ZNF444: variants seen among roughly 807,000 people sequenced by gnomAD.
The protein encoded by ZNF444 is endothelial zinc finger protein 2.
ZNF444 carries 8 observed loss-of-function variants against 14.4 expected under a neutral mutation model. The observed-to-expected ratio is 0.56, with a 90% CI of 0.33 to 1.00. ZNF444 has a LOEUF of 1.00. Ranked by LOEUF, ZNF444 falls within the 50% of genes least tolerant of loss-of-function variation. The pLI, the probability that ZNF444 is intolerant of heterozygous loss-of-function variation, is 0.03. For synonymous variants in ZNF444, 258 were observed against 235.9 expected (o/e 1.09, Z -0.86); for missense variants, 510 against 504.8 (o/e 1.01, Z -0.10).
intron 1 of ZNF444, among the ~76,000 whole-genome samples, chr19:56,134,861 A>C (rs1370603215): frequency 1.3e-5 from 2 of 152,044 alleles, no homozygotes; most frequent in Non-Finnish European, 2.9e-5. Context: ...TGGTAGCTGT[A>C]ATCCCAGCTA....
At chr19:56,153,476 G>T (rs189171162) in intron 3 of ZNF444, among the ~76,000 whole-genome samples, 1 of 152,216 alleles carries the variant, frequency 6.6e-6, no homozygotes, top group Admixed American at 6.6e-5. Context: ...GCTGTGGAGG[G>T]AATGGCTAAC....
chr19:56,139,999 C>G (rs147824352), upstream of ZNF444, among the ~76,000 whole-genome samples: 1,450 of 152,254 alleles, frequency 9.5e-3, 24 homozygotes, highest in African/African-American at 0.033. Context: ...TCATTAAACA[C>G]GAGGAGAAGA....
chr19:56,158,955 G>C (rs184249846), intron 4 of ZNF444, among the ~76,000 whole-genome samples: 1 of 151,306 alleles, frequency 6.6e-6, no homozygotes, highest in East Asian at 1.9e-4. Flanking sequence ...CCATCCCTCT[G>C]TCATCCATCA....
In ZNF444 at chr19:56,147,843, G is replaced by A. The variant is rs375758576; in HGVS notation, c.297+635G>A. On this transcript the variant is annotated intron_variant, in intron 3 of 4. Coordinates refer to ENST00000337080, the MANE Select transcript of ZNF444 (RefSeq NM_018337.4). The surrounding 1 kb of genome is among the most constrained non-coding windows in gnomAD (Gnocchi z 5.9). Reference sequence around the variant, plus strand: ...CAGAGGGCAAAGCCAGGCCTCTCTGGGCAGGTTTGGTTTCTTGACCACACA... The same window carrying A: ...CAGAGGGCAAAGCCAGGCCTCTCTGAGCAGGTTTGGTTTCTTGACCACACA... Among the ~76,000 whole-genome samples, 2 of 152,266 alleles carry A rather than the reference G, an allele frequency of 1.3e-5. No homozygotes were observed. The highest frequency in any genetic ancestry group is 3.9e-4 in the East Asian group (2 of 5,166).
At chr19:56,140,918 G>C (rs2030753972), upstream of ZNF444, 2 of 152,248 alleles carry the variant, frequency 1.3e-5, no homozygotes, top group Admixed American at 6.5e-5. Flanking sequence ...CGCATGTCCA[G>C]GGCCCGCGCG....
At chr19:56,133,581 GAT>G (rs2030541645) in intron 1 of ZNF444, among the ~76,000 whole-genome samples, 3 of 151,154 alleles carry the variant, frequency 2.0e-5, no homozygotes, top group African/African-American at 7.4e-5. Context: ...GGGAGGCCGA[GAT>G]GGGTGGATCA....
upstream of ZNF444, among the ~76,000 whole-genome samples, chr19:56,140,285 G>A (rs1208635059): frequency 6.6e-6 from 1 of 151,056 alleles, no homozygotes; most frequent in African/African-American, 2.4e-5. Flanking sequence ...GCGGGCTGGG[G>A]TAGGGCTTGT....
Position 56,146,903 on chromosome 19 carries a change from G to A in ZNF444, c.-9G>A, listed in dbSNP as rs1375035485. 4 of 1,411,946 alleles carry A rather than the reference G, an allele frequency of 2.8e-6. No individual in the cohort carries two copies. Among genetic ancestry groups the A allele is most frequent in the East Asian group, 2.9e-5 (1 of 33,986 alleles). The allele number at this position is 1,411,946 out of a possible 1,614,324, so 87.5% of individuals were successfully genotyped here. ...TGTTCCCTGCAGGCGCTGCGGTCCG[G>A]GAGGCCCCATGGAGGTGGCGGTGCC... is the stretch of plus-strand genomic sequence containing the variant. On this transcript the variant is annotated 5_prime_UTR_variant, in exon 3 of 5. Coordinates refer to ENST00000337080, the MANE Select transcript of ZNF444 (RefSeq NM_018337.4).
chr19:56,148,139 T>G (rs571238039), intron 3 of ZNF444, among the ~76,000 whole-genome samples: 1 of 152,316 alleles, frequency 6.6e-6, no homozygotes, highest in African/African-American at 2.4e-5. Flanking sequence ...CCCAATGTGT[T>G]CAAAATACCA....
chr19:56,158,362 G>A, intron 3 of ZNF444, 132 bp from the exon 4 acceptor site: 1 of 838,038 alleles, frequency 1.2e-6, no homozygotes, highest in Non-Finnish European at 1.8e-6. Flanking sequence ...GGCAGCTTCA[G>A]TGTCGCCCAG....
chr19:56,159,820 CT>C lies in ZNF444; in HGVS notation c.604del (p.Ser202ArgfsTer110). The C allele has an allele frequency of 6.3e-7, 1 of 1,577,960 alleles. No homozygotes were observed. The highest frequency in any genetic ancestry group is 8.6e-7 in the Non-Finnish European group (1 of 1,167,792). On this transcript the variant is annotated frameshift_variant, in exon 5 of 5. Transcript: ENST00000337080. LOFTEE classifies it low-confidence loss of function (END_TRUNC). ...ACCTGCTGCGCCACCGGCAGAGCCA[CT>C]CGGGCGAGAAGCCGCACGCCTGCCC... ...AHLLRHRQSHSGEKPHACPEC... is the reference protein window; with the variant it reads ...AHLLRHRQSHXGEKPHACPEC...
chr19:56,138,263 TTAAA>T (rs1402860870), upstream of ZNF444, among the ~76,000 whole-genome samples: 1 of 152,072 alleles, frequency 6.6e-6, no homozygotes, highest in Non-Finnish European at 1.5e-5. Context: ...TTCTGCCAAG[TTAAA>T]TAAGTCAGTC....
intron 3 of ZNF444, among the ~76,000 whole-genome samples, chr19:56,152,732 C>T (rs1023692912): frequency 6.6e-6 from 1 of 151,968 alleles, no homozygotes; most frequent in East Asian, 1.9e-4. Context: ...GTGAGGGTCT[C>T]CTGCTGGTTC....
At chr19:56,134,459 T>C (rs1599979858) in intron 1 of ZNF444, among the ~76,000 whole-genome samples, 1 of 151,986 alleles carries the variant, frequency 6.6e-6, no homozygotes, top group Non-Finnish European at 1.5e-5. Flanking sequence ...CAGCATGAGG[T>C]GGGCGGAGCA....
upstream of ZNF444, among the ~76,000 whole-genome samples, chr19:56,140,474 C>T (rs990845044): frequency 6.6e-6 from 1 of 152,144 alleles, no homozygotes; most frequent in Non-Finnish European, 1.5e-5. Context: ...TGGCAGGTAG[C>T]GCTGTCCCCC....
Position 56,159,658 on chromosome 19 carries a change from TG to T in ZNF444, c.445del (p.Asp149ThrfsTer25). The T allele has an allele frequency of 6.8e-7, 1 of 1,471,204 alleles. No homozygotes were observed. Among genetic ancestry groups the T allele is most frequent in the Admixed American group, 2.6e-5 (1 of 38,442 alleles). The allele number at this position is 1,471,204 out of a possible 1,614,324, so 91.1% of individuals were successfully genotyped here. A position where few individuals can be genotyped will look rare whatever the true frequency, so the allele number is the denominator to read the frequency against. ...CCCCTGGGGCTGAGGGGCCGGCGCC[TG>T]GGGACTCCCAGGCTGTGCGCCCCTA... is the stretch of plus-strand genomic sequence containing the variant. Reference protein sequence around the residue: ...TAPGAEGPAPGDSQAVRPYKQ... With the variant: ...TAPGAEGPAPXDSQAVRPYKQ... On this transcript the variant is annotated frameshift_variant, in exon 5 of 5. Transcript: ENST00000337080. LOFTEE classifies it low-confidence loss of function (END_TRUNC).
In ZNF444 at chr19:56,150,518, C is replaced by G. The variant is rs533163115; in HGVS notation, c.297+3310C>G. The G allele has an allele frequency of 4.2e-4, 161 of 381,256 alleles. 7 individuals are homozygous for G. Among genetic ancestry groups the G allele is most frequent in the South Asian group, 3.1e-3 (155 of 50,144 alleles). The allele number at this position is 381,256 out of a possible 1,614,324, so 23.6% of individuals were successfully genotyped here. ...GCAGATCTCAGGTTCAGAGCCTTCTCCTATCAGTGTCCACACAGACGGGAA... is the reference window on the plus strand; with the variant it reads ...GCAGATCTCAGGTTCAGAGCCTTCTGCTATCAGTGTCCACACAGACGGGAA... On this transcript the variant is annotated intron_variant, in intron 3 of 4. Coordinates refer to ENST00000337080, the MANE Select transcript of ZNF444 (RefSeq NM_018337.4).
At chr19:56,133,706 G>A (rs142690294) in intron 1 of ZNF444, among the ~76,000 whole-genome samples, 3 of 151,164 alleles carry the variant, frequency 2.0e-5, no homozygotes, top group Admixed American at 6.6e-5. Flanking sequence ...CCAGCTACTC[G>A]GGAGGCTGAG....
At position 56,160,153 on chromosome 19, in the gene ZNF444, T is replaced by TCCGGGC; in HGVS notation, c.941_946dup (p.Gly314_Pro315dup). 1 of 1,482,472 alleles carries TCCGGGC rather than the reference T, an allele frequency of 6.7e-7. No homozygotes were observed. The highest frequency in any genetic ancestry group is 8.9e-7 in the Non-Finnish European group (1 of 1,125,482). The allele number at this position is 1,482,472 out of a possible 1,614,324, so 91.8% of individuals were successfully genotyped here. ...CGGCCAGCGCGCAGGGGGCGGTAGC[T>TCCGGGC]CCGGGCCCGGATGGTGGAGGCCCCT... On this transcript the variant is annotated inframe_insertion, in exon 5 of 5. Transcript: ENST00000337080.
Sources: allele counts gnomAD v4.1 joint callset (sites outside exome capture counted in the v4.1 genomes callset), GRCh38; gene constraint gnomAD v4.1.1; non-coding constraint Gnocchi (gnomAD v3.1); transcripts MANE v1.5; gene names NCBI Gene and HGNC (gene_info 2026-07-23, HGNC 2026-07-21).